CTCFL: variants seen among roughly 807,000 people sequenced by gnomAD.
The protein encoded by CTCFL is transcriptional repressor CTCFL.
CTCFL carries 36 observed loss-of-function variants against 67.4 expected under a neutral mutation model. The ratio of observed to expected loss-of-function variants is 0.53; its 90% confidence interval spans 0.41 to 0.71. The LOEUF (loss-of-function observed/expected upper bound fraction) is 0.71, where lower values mean the gene tolerates loss of function less well. Ranked by LOEUF, CTCFL falls within the 30% of genes least tolerant of loss-of-function variation. The probability of loss-of-function intolerance (pLI) is 0.00; values close to 1 mark genes in which losing one functional copy is unlikely to be tolerated. For missense variants in CTCFL, 786 were observed against 835.2 expected, an observed-to-expected ratio of 0.94 and a Z score of 0.73; for synonymous variants, 324 against 302.3, an observed-to-expected ratio of 1.07 and a Z score of -0.75.
intron 7 of CTCFL, chr20:57,513,799 A>C: frequency 1.6e-6 from 2 of 1,275,608 alleles, no homozygotes; most frequent in Non-Finnish European, 2.0e-6. Context: ...TTCTGCTAAC[A>C]TATTTTTGTG....
intron 9 of CTCFL, among the ~76,000 whole-genome samples, chr20:57,504,423 G>T (rs1248314049): frequency 6.6e-6 from 1 of 151,640 alleles, no homozygotes; most frequent in Non-Finnish European, 1.5e-5. Context: ...GGGACTACAG[G>T]CGAGTGCCAC....
At chr20:57,520,071 G>A (rs573769341) in intron 3 of CTCFL, among the ~76,000 whole-genome samples, 1 of 152,306 alleles carries the variant, frequency 6.6e-6, no homozygotes, top group African/African-American at 2.4e-5. Context: ...AGCACTGATG[G>A]AGAGGTGAAA....
At chr20:57,523,620 T>C (rs755734213) in intron 2 of CTCFL, 43 bp downstream of exon 2, 8 of 1,567,948 alleles carry the variant, frequency 5.1e-6, no homozygotes, top group East Asian at 2.2e-5. Flanking sequence ...ACTTGAATTT[T>C]TTCTTTTTCA....
chr20:57,501,281 C>G (rs554831848), intron 10 of CTCFL, among the ~76,000 whole-genome samples: 1 of 152,090 alleles, frequency 6.6e-6, no homozygotes, highest in Non-Finnish European at 1.5e-5. Context: ...GGAGGGGCAG[C>G]GCAGGACCAG....
intron 3 of CTCFL, 97 bp from the exon 4 acceptor site, chr20:57,519,474 G>T: frequency 9.6e-7 from 1 of 1,040,678 alleles, no homozygotes; most frequent in Non-Finnish European, 1.5e-6. Context: ...ACTAACGTGG[G>T]AACTGAACAA....
chr20:57,496,203 T>C (rs894339651), downstream of CTCFL: 8 of 561,574 alleles, frequency 1.4e-5, no homozygotes, highest in African/African-American at 3.8e-5. Flanking sequence ...TCAAGGAATC[T>C]GGTCGTTCAG....
chr20:57,523,343 A>C lies in CTCFL; in HGVS notation c.544-65T>G. On this transcript the variant is annotated intron_variant, in intron 2 of 10. Transcript: ENST00000243914. The stretch of plus-strand genomic sequence containing the variant: ...TCAGTATAATTAGACTTTTGCCTGG[A>C]TGAAGCACAGAATACAAAAAGAAAA... 1 of 1,443,502 alleles carries C rather than the reference A, an allele frequency of 6.9e-7. No individual in the cohort carries two copies. 89.4% of individuals were successfully genotyped at this position (1,443,502 alleles called of 1,614,324 possible).
chr20:57,522,214 T>C (rs1015766156), intron 3 of CTCFL, among the ~76,000 whole-genome samples: 5 of 152,176 alleles, frequency 3.3e-5, no homozygotes, highest in African/African-American at 1.2e-4. Flanking sequence ...CAGTGTTTGG[T>C]TGGCATTCTC....
chr20:57,507,359 TTTC>T (rs2068264973), intron 9 of CTCFL: 6 of 556,534 alleles, frequency 1.1e-5, no homozygotes, highest in Middle Eastern at 4.8e-4. Flanking sequence ...GCCTAGCTAT[TTTC>T]TTTTTTTTTT....
chr20:57,503,059 C>T (rs867477992), intron 10 of CTCFL, among the ~76,000 whole-genome samples: 8 of 152,322 alleles, frequency 5.3e-5, no homozygotes, highest in Middle Eastern at 6.8e-3. Context: ...CGGCCCTGCC[C>T]ACACCTGGAT....
rs1194593932 is a variant in CTCFL at position 57,498,630 on chromosome 20, T to C, written c.1912A>G (p.Arg638Gly). The C allele has an allele frequency of 8.1e-6, 13 of 1,614,086 alleles. No individual in the cohort carries two copies. The highest frequency in any genetic ancestry group is 1.1e-5 in the Non-Finnish European group (13 of 1,180,020). ...TCTTTGACTCTGGCTGTGGTTTCTCTGCAGGCGACAGGAAACATCTCTCCT... is the reference window on the plus strand; with the variant it reads ...TCTTTGACTCTGGCTGTGGTTTCTCCGCAGGCGACAGGAAACATCTCTCCT... ...FPGEMFPVAC[R>G]ETTARVKEEV... The change falls in exon 11 of 11, where the codon AGA (arginine) becomes GGA (glycine). Residue 638 changes from arginine to glycine, a missense_variant. This residue lies in a region of CTCFL where 199 missense variants were observed against 196.7 expected (regional missense o/e 1.01). Transcript: ENST00000243914.
rs542500600 is a variant in CTCFL, at chr20:57,518,833, G to A, written c.984C>T (p.Leu328=). 6.2e-6 allele frequency: 10 copies of A among 1,614,130 alleles called. No homozygotes were observed. The highest frequency in any genetic ancestry group is 2.2e-5 in the South Asian group (2 of 91,076). ...TATGTTTATAGCGCCTGTGTCGGAC[G>A]AGTTCTCCACTGGTGACAAATGCCA... The part of the protein sequence containing the change: ...CNMAFVTSGE[L]VRHRRYKHTH... The change falls in exon 5 of 11, where the codon CTC becomes CTT. Residue 328 remains leucine (L), a synonymous_variant. Transcript: ENST00000243914.
At chr20:57,521,883 C>T (rs555018084) in intron 3 of CTCFL, among the ~76,000 whole-genome samples, 28 of 152,166 alleles carry the variant, frequency 1.8e-4, no homozygotes, top group African/African-American at 3.9e-4. Flanking sequence ...GGAAAATCTA[C>T]GGAAACAAAA....
intron 8 of CTCFL, 112 bp downstream of exon 8, chr20:57,512,480 A>G: frequency 9.6e-7 from 1 of 1,039,034 alleles, no homozygotes. Context: ...TGAATAGGCT[A>G]CTCTATTAAA....
At chr20:57,502,403 A>T (rs1471264057) in intron 10 of CTCFL, among the ~76,000 whole-genome samples, 1 of 152,202 alleles carries the variant, frequency 6.6e-6, no homozygotes, top group Non-Finnish European at 1.5e-5. Context: ...ACATTTAAAC[A>T]ATGATTCACT....
At chr20:57,503,410 A>G in intron 10 of CTCFL, 26 bp downstream of exon 10, 1 of 1,613,304 alleles carries the variant, frequency 6.2e-7, no homozygotes, top group Non-Finnish European at 8.5e-7. Flanking sequence ...TGAGGCGGTA[A>G]AAACAAATCT....
chr20:57,498,295 G>A lies in CTCFL; in HGVS notation c.*255C>T. 4 of 1,139,692 alleles carry A rather than the reference G, an allele frequency of 3.5e-6. No homozygotes were observed. Among genetic ancestry groups the A allele is most frequent in the Non-Finnish European group, 4.3e-6 (4 of 928,496 alleles). The allele number at this position is 1,139,692 out of a possible 1,614,324, so 70.6% of individuals were successfully genotyped here. ...TATAAAATACCTGCAATGTTTCTTT[G>A]AAATATCCAGCTACAAACAGGAGAA... is the stretch of plus-strand genomic sequence containing the variant. On this transcript the variant is annotated 3_prime_UTR_variant, in exon 11 of 11. Coordinates refer to ENST00000243914, the MANE Select transcript of CTCFL (RefSeq NM_001386993.1).
rs2067741771 is a variant in CTCFL at position 57,497,585 on chromosome 20, C to CT, written c.*964dup. ...AAGTGTTAAAGAGGCATCTCTCACG[C>CT]TGCTCGAGGGTGGAAAAATCTTGTC... On this transcript the variant is annotated 3_prime_UTR_variant, in exon 11 of 11. Coordinates refer to ENST00000243914, the MANE Select transcript of CTCFL (RefSeq NM_001386993.1). 1.0e-6 allele frequency: 1 copy of CT among 985,332 alleles called. No individual in the cohort carries two copies. Among genetic ancestry groups the CT allele is most frequent in the South Asian group, 4.7e-5 (1 of 21,292 alleles). The allele number at this position is 985,332 out of a possible 1,614,324, so 61.0% of individuals were successfully genotyped here. A position where few individuals can be genotyped will look rare whatever the true frequency, so the allele number is the denominator to read the frequency against.
intron 10 of CTCFL, among the ~76,000 whole-genome samples, chr20:57,501,032 T>G (rs2067885327): frequency 6.6e-6 from 1 of 152,190 alleles, no homozygotes; most frequent in Non-Finnish European, 1.5e-5. Context: ...GTTTCTACAA[T>G]GTGCGCTGAT....
Sources: gnomAD v4.1 joint callset for allele counts (sites outside exome capture counted in the v4.1 genomes callset) on GRCh38, gnomAD v4.1.1 for gene constraint, gnomAD v4.1.1 regional missense constraint, MANE v1.5 for transcripts, NCBI Gene and HGNC (gene_info 2026-07-23, HGNC 2026-07-21) for gene names.